Variants in NTNG1 observed in about 807,000 individuals in gnomAD.
The protein encoded by NTNG1 is netrin G1.
Under a neutral mutation model 54.0 loss-of-function variants are expected in NTNG1, and 16 were observed. That is an observed-to-expected ratio of 0.30 (90% CI 0.20 to 0.45). The LOEUF (loss-of-function observed/expected upper bound fraction) is 0.45, where lower values mean the gene tolerates loss of function less well. Among genes scored for constraint, NTNG1 ranks in the 20% least tolerant of loss-of-function variants. The pLI is 1.00. For missense variants in NTNG1, 530 were observed against 678.7 expected (o/e 0.78, Z 2.43); for synonymous variants, 255 against 263.1 (o/e 0.97, Z 0.30).
At chr1:107,149,718 TAGTATAC>T (rs968735628) in intron 2 of NTNG1, among the ~76,000 whole-genome samples, 1 of 152,064 alleles carries the variant, frequency 6.6e-6, no homozygotes, top group Non-Finnish European at 1.5e-5. Flanking sequence ...GTGATTAAAA[TAGTATAC>T]ATTAATGTGC....
chr1:107,315,862 T>C (rs1557892950), intron 2 of NTNG1, among the ~76,000 whole-genome samples: 1 of 152,200 alleles, frequency 6.6e-6, no homozygotes, highest in African/African-American at 2.4e-5. Context: ...GTGTCTGTCA[T>C]ATCCAATAAC....
At chr1:107,473,851 C>T (rs1571041521) in intron 7 of NTNG1, among the ~76,000 whole-genome samples, 1 of 152,198 alleles carries the variant, frequency 6.6e-6, no homozygotes, top group Non-Finnish European at 1.5e-5. Context: ...TTCCACACTT[C>T]ATCTTTTGGC....
chr1:107,469,401 C>G (rs1677832472), intron 7 of NTNG1, among the ~76,000 whole-genome samples: 1 of 152,200 alleles, frequency 6.6e-6, no homozygotes, highest in Non-Finnish European at 1.5e-5. Flanking sequence ...TTTCAGCTAG[C>G]TAGCTACTAA....
chr1:107,273,476 T>C (rs960810663), intron 2 of NTNG1, among the ~76,000 whole-genome samples: 16 of 152,208 alleles, frequency 1.1e-4, no homozygotes, highest in Non-Finnish European at 1.6e-4. Context: ...GTCGTTGTTA[T>C]TTGTAGGGAA....
intron 6 of NTNG1, among the ~76,000 whole-genome samples, chr1:107,435,135 A>G (rs927056331): frequency 6.6e-6 from 1 of 152,144 alleles, no homozygotes; most frequent in Non-Finnish European, 1.5e-5. Flanking sequence ...ACTGGCTTAC[A>G]AAACATTGGT....
At chr1:107,469,178 T>C (rs1378912988) in intron 7 of NTNG1, among the ~76,000 whole-genome samples, 1 of 152,080 alleles carries the variant, frequency 6.6e-6, no homozygotes, top group African/African-American at 2.4e-5. Flanking sequence ...TTCTCCTCTC[T>C]TCCATCTTTT....
intron 3 of NTNG1, chr1:107,334,007 T>C (rs1373359053): frequency 6.6e-6 from 1 of 151,976 alleles, no homozygotes; most frequent in Non-Finnish European, 1.5e-5. Flanking sequence ...TGCCAAGTGG[T>C]ACAATCTGGT....
At chr1:107,479,486 A>T (rs1571055340) in intron 7 of NTNG1, among the ~76,000 whole-genome samples, 2 of 148,220 alleles carry the variant, frequency 1.3e-5, no homozygotes, top group African/African-American at 5.1e-5. Context: ...TGACATTTTT[A>T]AAAATGGAAA....
rs145012311 is a variant in NTNG1, at chr1:107,145,662, A to T, written c.-525-2407A>T. Among the ~76,000 whole-genome samples the T allele has an allele frequency of 1.3e-3, 198 of 152,228 alleles. 2 individuals are homozygous for T. The East Asian group carries it at 0.035, about 27-fold the overall frequency. ...TAATATGTCTGTAATGTAATGGAAA[A>T]CTATTAATCACAACTGGTTATGTGC... On this transcript the variant is annotated intron_variant, in intron 1 of 7. Transcript: ENST00000370068.
chr1:107,176,023 G>C (rs1656618690), intron 2 of NTNG1, among the ~76,000 whole-genome samples: 1 of 152,092 alleles, frequency 6.6e-6, no homozygotes, highest in Non-Finnish European at 1.5e-5. Flanking sequence ...GTTTTCACCT[G>C]GGTATTTTGA....
intron 2 of NTNG1, among the ~76,000 whole-genome samples, chr1:107,164,519 C>G (rs1440959114): frequency 2.0e-5 from 3 of 152,268 alleles, no homozygotes; most frequent in African/African-American, 7.2e-5. Flanking sequence ...GACTTATTTC[C>G]TAACCTCTTG....
At chr1:107,302,181 G>A (rs55753042) in intron 2 of NTNG1, among the ~76,000 whole-genome samples, 12,475 of 152,086 alleles carry the variant, frequency 0.082, 628 homozygotes, top group East Asian at 0.2. Context: ...GTCCATGTAC[G>A]TGGAGTACCA....
At chr1:107,477,464 C>A (rs1678403849) in intron 7 of NTNG1, among the ~76,000 whole-genome samples, 1 of 152,206 alleles carries the variant, frequency 6.6e-6, no homozygotes, top group Non-Finnish European at 1.5e-5. Flanking sequence ...AGACAACTTG[C>A]AGAGTTCTGG....
intron 3 of NTNG1, among the ~76,000 whole-genome samples, chr1:107,370,163 T>C (rs886139600): frequency 6.6e-6 from 1 of 151,938 alleles, no homozygotes; most frequent in Non-Finnish European, 1.5e-5. Flanking sequence ...TCAGCTTTGT[T>C]CTTTGTAAAA....
chr1:107,221,076 A>G (rs1021704335), intron 2 of NTNG1, among the ~76,000 whole-genome samples: 2 of 152,136 alleles, frequency 1.3e-5, no homozygotes, highest in African/African-American at 4.8e-5. Flanking sequence ...TTATAGGGCT[A>G]TTGTGTGGAT....
At chr1:107,458,620 A>G (rs1456164087) in intron 7 of NTNG1, among the ~76,000 whole-genome samples, 3 of 152,218 alleles carry the variant, frequency 2.0e-5, no homozygotes, top group Admixed American at 6.5e-5. Context: ...CAGATTAACA[A>G]TATTCATGAA....
intron 2 of NTNG1, among the ~76,000 whole-genome samples, chr1:107,255,941 G>A (rs1049805295): frequency 5.9e-5 from 9 of 152,092 alleles, no homozygotes; most frequent in African/African-American, 1.9e-4. Context: ...TAACTGTTTT[G>A]AGAAAGTTGA....
At chr1:107,334,304 C>T (rs1165350384) in intron 3 of NTNG1, among the ~76,000 whole-genome samples, 1 of 151,890 alleles carries the variant, frequency 6.6e-6, no homozygotes, top group Non-Finnish European at 1.5e-5. Context: ...AAGGATATCA[C>T]CTTGTCTAGG....
chr1:107,424,637 G>T (rs1264854071), intron 5 of NTNG1, among the ~76,000 whole-genome samples: 1 of 152,090 alleles, frequency 6.6e-6, no homozygotes, highest in Non-Finnish European at 1.5e-5. Flanking sequence ...GCAGTTGGAG[G>T]AATGGAATAG....
Sources: allele counts gnomAD v4.1 joint callset (sites outside exome capture counted in the v4.1 genomes callset), GRCh38; gene constraint gnomAD v4.1.1; transcripts MANE v1.5; gene names NCBI Gene and HGNC (gene_info 2026-07-23, HGNC 2026-07-21).